The following ESRRG variants were observed in gnomAD, a reference collection of about 807,000 sequenced individuals.
ESRRG encodes estrogen-related receptor gamma.
ESRRG carries 13 observed loss-of-function variants against 44.0 expected under a neutral mutation model. That is an observed-to-expected ratio of 0.30 (90% CI 0.19 to 0.47). The LOEUF (loss-of-function observed/expected upper bound fraction) is 0.47. Among genes scored for constraint, ESRRG ranks in the 20% least tolerant of loss-of-function variants. ESRRG has a pLI of 1.00. For synonymous variants in ESRRG, 215 were observed against 214.6 expected, an observed-to-expected ratio of 1.00 and a Z score of -0.02; for missense variants, 395 against 580.6, an observed-to-expected ratio of 0.68 and a Z score of 3.29.
chr1:216,753,616 T>C (rs993890374), intron 2 of ESRRG, among the ~76,000 whole-genome samples: 1 of 152,128 alleles, frequency 6.6e-6, no homozygotes, highest in Non-Finnish European at 1.5e-5. Flanking sequence ...GCTTTCCACA[T>C]ATTTTATAAT....
At position 216,834,537 on chromosome 1, in the gene ESRRG, T is replaced by C. The variant is rs116227741; in HGVS notation, c.-14+105045A>G. On this transcript the variant is annotated intron_variant, in intron 2 of 7. Coordinates refer to the ESRRG transcript ENST00000359162. Reference sequence around the variant, plus strand: ...AGGTATTTTTCAATGGAGATGGATATTGGAGTAAAACAGTGAGTCATTAAC... The same window carrying C: ...AGGTATTTTTCAATGGAGATGGATACTGGAGTAAAACAGTGAGTCATTAAC... Among the ~76,000 whole-genome samples the C allele has an allele frequency of 2.6e-3, 397 of 152,296 alleles. 3 individuals carry two copies. The highest frequency in any genetic ancestry group is 9.1e-3 in the African/African-American group (379 of 41,556).
At chr1:216,954,678 G>A (rs2067617770) in intron 1 of ESRRG, among the ~76,000 whole-genome samples, 1 of 152,112 alleles carries the variant, frequency 6.6e-6, no homozygotes, top group African/African-American at 2.4e-5. Context: ...TATAATGTAT[G>A]CCTCAGAATA....
chr1:216,834,369 C>A (rs966565326), intron 2 of ESRRG, among the ~76,000 whole-genome samples: 3 of 152,212 alleles, frequency 2.0e-5, no homozygotes, highest in African/African-American at 4.8e-5. Context: ...TCATTGCACT[C>A]CAGCCTGGGC....
chr1:217,059,406 G>C (rs1438854397), intron 1 of ESRRG, among the ~76,000 whole-genome samples: 1 of 151,940 alleles, frequency 6.6e-6, no homozygotes, highest in African/African-American at 2.4e-5. Flanking sequence ...CGCATCCCTA[G>C]CATCTAGATT....
intron 2 of ESRRG, among the ~76,000 whole-genome samples, chr1:216,762,645 T>G (rs1452105420): frequency 1.3e-5 from 2 of 151,920 alleles, no homozygotes; most frequent in South Asian, 2.1e-4. Flanking sequence ...GTATGGCAGA[T>G]GTATACATAT....
At chr1:217,134,453 A>AGCG (rs2093018780) in intron 1 of ESRRG, among the ~76,000 whole-genome samples, 1 of 152,182 alleles carries the variant, frequency 6.6e-6, no homozygotes, top group South Asian at 2.1e-4. Flanking sequence ...AAGCGAAGCC[A>AGCG]GCGGTCTCCA....
chr1:216,610,463 CG>C (rs892760251), intron 3 of ESRRG, among the ~76,000 whole-genome samples: 28 of 151,970 alleles, frequency 1.8e-4, no homozygotes, highest in African/African-American at 6.8e-4. Context: ...TTAGCTTTAG[CG>C]TGATAAGACC....
chr1:216,549,975 A>T (rs953257773), intron 5 of ESRRG, among the ~76,000 whole-genome samples: 2 of 152,116 alleles, frequency 1.3e-5, no homozygotes, highest in Non-Finnish European at 2.9e-5. Flanking sequence ...TTGGCATCTG[A>T]CTGCAACAGC....
rs560059920 is a variant in ESRRG, at chr1:217,122,935, G to A, written c.-230+14732C>T. ...CCCGACCTCAGACCTCAGGTTATCC[G>A]CCTGCCTCGGCCTCCCAAAGTGCTG... On this transcript the variant is annotated intron_variant, in intron 1 of 8. Coordinates refer to the ESRRG transcript ENST00000366940. 7.2e-5 allele frequency among the ~76,000 whole-genome samples: 11 copies of A among 151,738 alleles called. No homozygotes were observed. In the South Asian group the frequency reaches 1.5e-3, roughly 20 times the overall value.
chr1:216,692,622 C>T lies in ESRRG; in HGVS notation c.57-15131G>A, dbSNP rs143727454. Among the ~76,000 whole-genome samples the T allele has an allele frequency of 1.2e-3, 178 of 152,214 alleles. 2 individuals carry two copies. The highest frequency in any genetic ancestry group is 0.011 in the East Asian group (56 of 5,176). On this transcript the variant is annotated intron_variant, in intron 1 of 6. Transcript: ENST00000408911. ...AAGTGTAGAGTGTTTATAAAGTCTA[C>T]AGTAGGATACAGTAATGTCCTAGGC...
chr1:216,895,938 T>C (rs1414195049), intron 2 of ESRRG, among the ~76,000 whole-genome samples: 2 of 152,238 alleles, frequency 1.3e-5, no homozygotes, highest in Non-Finnish European at 2.9e-5. Flanking sequence ...TTCCTTGCTT[T>C]CTCTTTAACT....
At chr1:216,631,761 C>T (rs991699841) in intron 3 of ESRRG, among the ~76,000 whole-genome samples, 1 of 152,136 alleles carries the variant, frequency 6.6e-6, no homozygotes, top group Non-Finnish European at 1.5e-5. Flanking sequence ...CACACATACA[C>T]ACATAGTAGA....
At chr1:216,984,252 A>G (rs1452766092) in intron 1 of ESRRG, among the ~76,000 whole-genome samples, 1 of 152,196 alleles carries the variant, frequency 6.6e-6, no homozygotes, top group Non-Finnish European at 1.5e-5. Context: ...TGAGAACTCA[A>G]AATAAATCCT....
At chr1:216,973,505 T>C (rs1478789047) in intron 1 of ESRRG, among the ~76,000 whole-genome samples, 1 of 152,216 alleles carries the variant, frequency 6.6e-6, no homozygotes, top group Non-Finnish European at 1.5e-5. Context: ...GAAGCAGTGC[T>C]GGACCCATAT....
At chr1:216,727,098 G>C (rs527543606), upstream of ESRRG, among the ~76,000 whole-genome samples, 1 of 152,180 alleles carries the variant, frequency 6.6e-6, no homozygotes, top group East Asian at 1.9e-4. Context: ...TCATTAAAAT[G>C]TTCAAGTTTA....
At chr1:217,114,662 G>GT (rs2092699334) in intron 1 of ESRRG, among the ~76,000 whole-genome samples, 1 of 136,820 alleles carries the variant, frequency 7.3e-6, no homozygotes, top group Non-Finnish European at 1.6e-5. Context: ...AGGTCCAAAA[G>GT]ATTTCTTTTT....
At chr1:217,055,354 G>A (rs2086868443) in intron 1 of ESRRG, among the ~76,000 whole-genome samples, 2 of 152,084 alleles carry the variant, frequency 1.3e-5, no homozygotes, top group South Asian at 4.1e-4. Flanking sequence ...AGAGTCCAGT[G>A]GTGGCTGGCT....
Position 216,994,242 on chromosome 1 carries a change from G to GA in ESRRG, c.-105-54570dup, listed in dbSNP as rs113333296. ...AAATTTTGTCTAGACATTAAGCAGC[G>GA]AAAAAAAATCATTTCAACTGACAAT... On this transcript the variant is annotated intron_variant, in intron 1 of 7. Transcript: ENST00000359162. Among the ~76,000 whole-genome samples the GA allele has an allele frequency of 4.3e-3, 652 of 151,988 alleles. 7 individuals carry two copies. The highest frequency in any genetic ancestry group is 0.015 in the African/African-American group (621 of 41,440).
intron 2 of ESRRG, among the ~76,000 whole-genome samples, chr1:216,800,566 T>A (rs745426433): frequency 2.7e-4 from 41 of 152,240 alleles, no homozygotes; most frequent in Non-Finnish European, 4.1e-4. Context: ...AGTACTGTAT[T>A]TTAATAAGAA....
Sources: allele counts gnomAD v4.1 joint callset (sites outside exome capture counted in the v4.1 genomes callset), GRCh38; gene constraint gnomAD v4.1.1; transcripts MANE v1.5; gene names NCBI Gene and HGNC (gene_info 2026-07-23, HGNC 2026-07-21).